Variants in WDR4 observed in about 807,000 individuals in gnomAD.
The protein encoded by WDR4 is WDR4 tRNA N7-guanosine methyltransferase non-catalytic subunit.
WDR4 carries 47 observed loss-of-function variants against 48.6 expected under a neutral mutation model. The ratio of observed to expected loss-of-function variants is 0.97; its 90% CI spans 0.77 to 1.23. The LOEUF is 1.23. WDR4 is among the 50% of genes most tolerant of loss of function. The pLI is 0.00. For missense variants in WDR4, 606 were observed against 551.6 expected (o/e 1.10, Z -0.99); for synonymous variants, 268 against 230.0 (o/e 1.17, Z -1.49).
chr21:42,859,795 G>T (rs563990220), intron 5 of WDR4, 73 bp from the exon 6 acceptor site: 1 of 1,450,798 alleles, frequency 6.9e-7, no homozygotes, highest in African/African-American at 1.4e-5. Flanking sequence ...TGGGGAGGCC[G>T]CCTGTTCATC....
At chr21:42,853,443 T>C in intron 9 of WDR4, 126 bp downstream of exon 9, 1 of 1,134,446 alleles carries the variant, frequency 8.8e-7, no homozygotes, top group Non-Finnish European at 1.2e-6. Flanking sequence ...ACACAGACCC[T>C]GGGCCCCAGA....
At chr21:42,892,819 G>T in the WDR4 span, among the ~76,000 whole-genome samples, 1 of 152,238 alleles carries the variant, frequency 6.6e-6, no homozygotes, top group Non-Finnish European at 1.5e-5. Flanking sequence ...TGCCGACAGA[G>T]GGTGAGGGAG....
intron 3 of WDR4, among the ~76,000 whole-genome samples, chr21:42,871,267 T>G (rs2058363864): frequency 6.6e-6 from 1 of 152,222 alleles, no homozygotes. Flanking sequence ...GCCCCTAGTC[T>G]GTGGTATCTT....
In WDR4 at chr21:42,863,488, G is replaced by A. The variant is rs772028322; in HGVS notation, c.405C>T (p.His135=). 1.4e-5 allele frequency: 22 copies of A among 1,613,506 alleles called. No homozygotes were observed. The highest frequency in any genetic ancestry group is 4.0e-5 in the African/African-American group (3 of 74,766). The change falls in exon 4 of 11, where the codon CAC becomes CAT. Residue 135 remains histidine (H), a synonymous_variant. Transcript: ENST00000398208. The part of the protein sequence containing the change: ...DVYSFSVLEP[H]GCGRLELGHL... ...GCCCCAGCTCTAGACGGCCACACCC[G>A]TGTGGCTCCAGCACCGAAAAGGAGT...
rs756300679 is a variant in WDR4, at chr21:42,862,375, C to T, written c.473G>A (p.Arg158His). The T allele has an allele frequency of 4.4e-6, 7 of 1,608,732 alleles. No homozygotes were observed. The Admixed American group carries it at 6.7e-5, about 15-fold the overall frequency. The change falls in exon 5 of 11, where the codon CGC becomes CAC. Residue 158 changes from arginine (R) to histidine (H), a missense_variant. Coordinates refer to ENST00000398208, the MANE Select transcript of WDR4 (RefSeq NM_018669.6). This position sits in a 1 kb window ranked among gnomAD's most constrained non-coding sequence, Gnocchi z 4.3. ...LLDVAVSPDD[R>H]FILTADRDEK... Reference sequence around the variant, plus strand: ...GTCCCGGTCGGCAGTGAGGATGAAGCGGTCATCAGGACTCACAGCCTGCAT... The same window carrying T: ...GTCCCGGTCGGCAGTGAGGATGAAGTGGTCATCAGGACTCACAGCCTGCAT...
intron 1 of WDR4, 77 bp downstream of exon 1, chr21:42,879,330 C>A: frequency 1.3e-6 from 2 of 1,566,602 alleles, no homozygotes; most frequent in Non-Finnish European, 8.7e-7. Context: ...CCAGGCGGTG[C>A]GGGAGAAGCG....
rs894490067 is a variant in WDR4, at chr21:42,879,131, G to A, written c.89+276C>T. On this transcript the variant is annotated intron_variant, in intron 1 of 10. Transcript: ENST00000398208. ...CGGAGACCGGAAGCGACCCGGCGGCGCTAACCGGGCAAGAACACCGCAGAC... is the reference window on the plus strand; with the variant it reads ...CGGAGACCGGAAGCGACCCGGCGGCACTAACCGGGCAAGAACACCGCAGAC... 6.5e-6 allele frequency: 8 copies of A among 1,226,880 alleles called. No homozygotes were observed. In the Admixed American group the frequency reaches 2.5e-4, roughly 39 times the overall value. The allele number at this position is 1,226,880 out of a possible 1,614,324, so 76.0% of individuals were successfully genotyped here.
chr21:42,854,508 T>C lies in WDR4; in HGVS notation c.791+54A>G, dbSNP rs567974305. On this transcript the variant is annotated intron_variant, in intron 8 of 10. Coordinates refer to ENST00000398208, the MANE Select transcript of WDR4 (RefSeq NM_018669.6). Reference sequence around the variant, plus strand: ...GGGCCAGTGGCCAACCCGCTAACTCTTCCCCCTGCAGGTCTGCAGAACCGG... The same window carrying C: ...GGGCCAGTGGCCAACCCGCTAACTCCTCCCCCTGCAGGTCTGCAGAACCGG... The C allele has an allele frequency of 5.0e-5, 79 of 1,574,754 alleles. 1 individual carries two copies. The African/African-American group carries it at 9.7e-4, about 19-fold the overall frequency.
At chr21:42,864,064 G>A (rs74199585) in intron 3 of WDR4, among the ~76,000 whole-genome samples, 5,836 of 50,770 alleles carry the variant, frequency 0.11, 627 homozygotes, top group African/African-American at 0.22. Context: ...CCGAGATCCC[G>A]CCACCGCACT....
At chr21:42,854,203 T>G (rs907955418) in intron 8 of WDR4, among the ~76,000 whole-genome samples, 9 of 152,206 alleles carry the variant, frequency 5.9e-5, no homozygotes, top group Admixed American at 6.5e-5. Flanking sequence ...TAAACCCACC[T>G]TGTCAGCACC....
chr21:42,867,299 G>C (rs1262481691), intron 3 of WDR4, among the ~76,000 whole-genome samples: 1 of 151,352 alleles, frequency 6.6e-6, no homozygotes, highest in Admixed American at 6.6e-5. Context: ...GCTGAGGCAG[G>C]AGAATCGCTT....
intron 3 of WDR4, among the ~76,000 whole-genome samples, chr21:42,871,248 T>C (rs1273877338): frequency 3.3e-5 from 5 of 152,188 alleles, no homozygotes; most frequent in African/African-American, 1.2e-4. Flanking sequence ...GAGAAAATTG[T>C]TATTTAAGGC....
chr21:42,882,037 T>C (rs530184466), upstream of WDR4, among the ~76,000 whole-genome samples: 59 of 151,444 alleles, frequency 3.9e-4, no homozygotes, highest in African/African-American at 1.4e-3. Flanking sequence ...CTGACCTCAA[T>C]TGATTCTCCT....
chr21:42,880,995 T>TC (rs2058604420), upstream of WDR4, among the ~76,000 whole-genome samples: 2 of 149,092 alleles, frequency 1.3e-5, no homozygotes, highest in African/African-American at 5.0e-5. Context: ...AACCTCCACC[T>TC]CCCGAGTTCA....
At chr21:42,858,017 G>A (rs906064388) in intron 6 of WDR4, among the ~76,000 whole-genome samples, 6 of 152,114 alleles carry the variant, frequency 3.9e-5, no homozygotes, top group Admixed American at 6.5e-5. Flanking sequence ...GCTTGAGCCC[G>A]GGAGGCAGAG....
chr21:42,866,697 C>T (rs1015632746), intron 3 of WDR4, among the ~76,000 whole-genome samples: 5 of 152,040 alleles, frequency 3.3e-5, no homozygotes, highest in African/African-American at 1.2e-4. Context: ...TGCCCCTCTC[C>T]CTGCCCCACT....
chr21:42,870,440 G>A (rs998279466), intron 3 of WDR4, among the ~76,000 whole-genome samples: 2 of 152,094 alleles, frequency 1.3e-5, no homozygotes, highest in Non-Finnish European at 2.9e-5. Context: ...ACACCCAAGC[G>A]GCTCTTGTGC....
chr21:42,862,748 G>A lies in WDR4; in HGVS notation c.454-354C>T, dbSNP rs1469534080. 9.7e-6 allele frequency among the ~76,000 whole-genome samples: 1 copy of A among 102,582 alleles called. No individual in the cohort carries two copies. The highest frequency in any genetic ancestry group is 2.0e-5 in the Non-Finnish European group (1 of 49,108). The allele number at this position is 102,582 out of a possible 152,430, so 67.3% of individuals were successfully genotyped here. ...CTGCTGCACCCTCCTGCCCAACACT[G>A]GGTTGCCTTCCTTGCCTTCCTGTCA... On this transcript the variant is annotated intron_variant, in intron 4 of 10. Transcript: ENST00000398208. This position sits in a 1 kb window ranked among gnomAD's most constrained non-coding sequence, Gnocchi z 4.3.
At chr21:42,860,394 C>G (rs966838109) in intron 5 of WDR4, among the ~76,000 whole-genome samples, 4 of 152,266 alleles carry the variant, frequency 2.6e-5, no homozygotes, top group Admixed American at 6.5e-5. Flanking sequence ...CAGCCCAGCT[C>G]GCCTGGAAAC....
Sources: allele counts gnomAD v4.1 joint callset (sites outside exome capture counted in the v4.1 genomes callset), GRCh38; gene constraint gnomAD v4.1.1; non-coding constraint Gnocchi (gnomAD v3.1); transcripts MANE v1.5; gene names NCBI Gene and HGNC (gene_info 2026-07-23, HGNC 2026-07-21).